The following NISCH variants were observed in gnomAD, a reference collection of about 807,000 sequenced individuals.
NISCH encodes I-1 receptor candidate protein.
In NISCH, 55 loss-of-function variants were observed where a neutral mutation model predicts 138.4. That is an observed-to-expected ratio of 0.40 (90% CI 0.32 to 0.50). The LOEUF (loss-of-function observed/expected upper bound fraction) is 0.50. NISCH is among the 20% of genes least tolerant of loss of function. The pLI is 0.71. For missense variants in NISCH, 1,643 were observed against 2,005.5 expected (o/e 0.82, Z 3.45); for synonymous variants, 860 against 861.5 (o/e 1.00, Z 0.03).
rs1246490500 is a variant in NISCH at position 52,477,564 on chromosome 3, C to A, written c.919-10C>A. Reference sequence around the variant, plus strand: ...CTACAGTAACATCGGGTGTTCTTTTCTTTCACAAGAAACTGATCCCAAAGA... The same window carrying A: ...CTACAGTAACATCGGGTGTTCTTTTATTTCACAAGAAACTGATCCCAAAGA... On this transcript the variant is annotated splice_polypyrimidine_tract_variant and intron_variant, in intron 8 of 20. Coordinates refer to ENST00000345716, the MANE Select transcript of NISCH (RefSeq NM_007184.4). The A allele has an allele frequency of 6.2e-7, 1 of 1,613,318 alleles. No individual in the cohort carries two copies. The highest frequency in any genetic ancestry group is 1.7e-5 in the Admixed American group (1 of 60,030).
rs1008413999 is a variant in NISCH, at chr3:52,477,657, G to A, written c.987+15G>A. ...ACAATCTGCAGGTAGTGCCTTTGGA[G>A]ACCAGTGCTGCCCGCACACACTCCC... On this transcript the variant is annotated intron_variant, in intron 9 of 20. Coordinates refer to ENST00000345716, the MANE Select transcript of NISCH (RefSeq NM_007184.4). 1 of 1,606,676 alleles carries A rather than the reference G, an allele frequency of 6.2e-7. No individual in the cohort carries two copies. The highest frequency in any genetic ancestry group is 8.5e-7 in the Non-Finnish European group (1 of 1,173,282).
At chr3:52,470,965 G>T in intron 4 of NISCH, 58 bp downstream of exon 4, 3 of 1,576,202 alleles carry the variant, frequency 1.9e-6, no homozygotes, top group Non-Finnish European at 2.6e-6. Context: ...TTATGAGGCG[G>T]CCAGAGGCAC....
chr3:52,466,358 G>A (rs907568950), intron 3 of NISCH, among the ~76,000 whole-genome samples: 1 of 152,088 alleles, frequency 6.6e-6, no homozygotes, highest in Non-Finnish European at 1.5e-5. Flanking sequence ...AAGGTCAGGA[G>A]TTCAAGACCA....
chr3:52,490,007 G>A (rs1578314428), intron 17 of NISCH, 68 bp from the exon 18 acceptor site: 3 of 1,585,240 alleles, frequency 1.9e-6, no homozygotes, highest in African/African-American at 1.3e-5. Flanking sequence ...TGTGGAAGCT[G>A]TGGGCATGTC....
At chr3:52,464,527 T>TTC (rs1426464499) in intron 3 of NISCH, among the ~76,000 whole-genome samples, 2 of 135,794 alleles carry the variant, frequency 1.5e-5, no homozygotes, top group African/African-American at 5.6e-5. Context: ...CTTTTTTTTT[T>TTC]TTTTTTTTTT....
rs1706993021 is a variant in NISCH at position 52,472,909 on chromosome 3, A to G, written c.669+511A>G. Among the ~76,000 whole-genome samples the G allele has an allele frequency of 2.0e-5, 3 of 152,260 alleles. No individual in the cohort carries two copies. The South Asian group carries it at 6.2e-4, about 31-fold the overall frequency. On this transcript the variant is annotated intron_variant, in intron 6 of 20. Coordinates refer to ENST00000345716, the MANE Select transcript of NISCH (RefSeq NM_007184.4). ...AGAAAAGTCAGTAATGAATACAAAA[A>G]AAGTTTTAAAGCATAATTTTTTGAG... is the stretch of plus-strand genomic sequence containing the variant.
chr3:52,481,642 C>G, intron 13 of NISCH: 1 of 985,774 alleles, frequency 1.0e-6, no homozygotes, highest in Non-Finnish European at 1.2e-6. Flanking sequence ...ATCTGTTGAT[C>G]AGTGAGTGAG....
intron 19 of NISCH, 57 bp from the exon 20 acceptor site, chr3:52,491,295 C>A: frequency 6.4e-7 from 1 of 1,559,596 alleles, no homozygotes. Context: ...CTCTAAGGGG[C>A]AGGGATAGGG....
At chr3:52,473,893 C>T (rs1707020415) in intron 7 of NISCH, 64 bp downstream of exon 7, 7 of 1,097,574 alleles carry the variant, frequency 6.4e-6, no homozygotes, top group Admixed American at 1.9e-5. Flanking sequence ...GCTGTGGTCT[C>T]CACCACTAAG....
intron 3 of NISCH, among the ~76,000 whole-genome samples, chr3:52,466,033 T>A (rs1706770146): frequency 6.6e-6 from 1 of 152,240 alleles, no homozygotes; most frequent in East Asian, 1.9e-4. Context: ...AGGGGCTATG[T>A]TGAACTGTTA....
rs942733005 is a variant in NISCH, at chr3:52,492,507, G to A, written c.*25G>A. 1.9e-6 allele frequency: 3 copies of A among 1,561,990 alleles called. No individual in the cohort carries two copies. Among genetic ancestry groups the A allele is most frequent in the Non-Finnish European group, 2.6e-6 (3 of 1,155,438 alleles). ...GCCCAGGCCACAGCCAGCCTGTCGT[G>A]TCCAGCCTGACGCCTACTGGGGCAG... On this transcript the variant is annotated 3_prime_UTR_variant, in exon 21 of 21. Coordinates refer to ENST00000345716, the MANE Select transcript of NISCH (RefSeq NM_007184.4).
intron 3 of NISCH, among the ~76,000 whole-genome samples, chr3:52,464,788 G>T (rs564706783): frequency 1.3e-4 from 20 of 150,280 alleles, no homozygotes; most frequent in Non-Finnish European, 2.5e-4. Flanking sequence ...GCCTCCCAAA[G>T]TGCCGGCATT....
At chr3:52,479,175 C>T (rs945507681) in intron 11 of NISCH, among the ~76,000 whole-genome samples, 1 of 152,216 alleles carries the variant, frequency 6.6e-6, no homozygotes, top group Admixed American at 6.5e-5. Flanking sequence ...TCCTGGGCTG[C>T]AGACTTTGGG....
intron 17 of NISCH, 100 bp downstream of exon 17, chr3:52,489,778 T>C: frequency 6.6e-7 from 1 of 1,512,728 alleles, no homozygotes; most frequent in Non-Finnish European, 8.8e-7. Flanking sequence ...ACTTCCCTGA[T>C]GTCGGAGTCC....
chr3:52,488,802 G>C (rs1291124707), intron 16 of NISCH, among the ~76,000 whole-genome samples, 197 bp downstream of exon 16: 1 of 149,552 alleles, frequency 6.7e-6, no homozygotes, highest in Middle Eastern at 3.3e-3. Context: ...TCTCAGTGCT[G>C]TAGAAGAAGC....
At chr3:52,469,808 G>A (rs540955061) in intron 3 of NISCH, among the ~76,000 whole-genome samples, 14 of 152,080 alleles carry the variant, frequency 9.2e-5, no homozygotes, top group African/African-American at 2.9e-4. Context: ...CCAACTACTT[G>A]GGAGGCTGAG....
chr3:52,461,917 A>G (rs1706645542), intron 3 of NISCH, among the ~76,000 whole-genome samples: 1 of 151,856 alleles, frequency 6.6e-6, no homozygotes, highest in South Asian at 2.1e-4. Flanking sequence ...TTAGCCATTT[A>G]GGGATGAAAC....
At position 52,480,445 on chromosome 3, in the gene NISCH, G is replaced by A. The variant is rs554978466; in HGVS notation, c.1528+150G>A. 1.2e-4 allele frequency: 192 copies of A among 1,540,330 alleles called. No homozygotes were observed. In the East Asian group the frequency reaches 1.9e-3, roughly 15 times the overall value. On this transcript the variant is annotated intron_variant, in intron 13 of 20. Coordinates refer to ENST00000345716, the MANE Select transcript of NISCH (RefSeq NM_007184.4). ...GTGCCTTCTGCAGGCTGGTCCTCGC[G>A]GGGGGACACATGGCAGGGGTGCCTG... is the stretch of plus-strand genomic sequence containing the variant.
chr3:52,485,492 G>A (rs1220309212), intron 14 of NISCH, among the ~76,000 whole-genome samples: 4 of 152,252 alleles, frequency 2.6e-5, no homozygotes, highest in African/African-American at 9.6e-5. Flanking sequence ...ACAAGGAGCA[G>A]TCAGATGCTG....
Sources: allele counts gnomAD v4.1 joint callset (sites outside exome capture counted in the v4.1 genomes callset), GRCh38; gene constraint gnomAD v4.1.1; transcripts MANE v1.5; gene names NCBI Gene and HGNC (gene_info 2026-07-23, HGNC 2026-07-21).